PINK1: variants seen among roughly 807,000 people sequenced by gnomAD.
The protein encoded by PINK1 is PTEN induced kinase 1, also known as serine/threonine-protein kinase PINK1, mitochondrial.
In PINK1, 58 loss-of-function variants were observed where a neutral mutation model predicts 56.0. The observed-to-expected ratio is 1.04, with a 90% CI of 0.84 to 1.29. The LOEUF (loss-of-function observed/expected upper bound fraction) is 1.29, where lower values mean the gene tolerates loss of function less well. Among genes scored for constraint, PINK1 ranks in the 50% most tolerant of loss-of-function variants. The pLI is 0.00. For synonymous variants in PINK1, 354 were observed against 339.3 expected, an observed-to-expected ratio of 1.04 and a Z score of -0.48; for missense variants, 745 against 777.9, an observed-to-expected ratio of 0.96 and a Z score of 0.50.
rs538591572 is a variant in PINK1, at chr1:20,648,881, G to C, written c.1252-114G>C. ...TGGGTCTGAGCCACAGCTCACTCAA[G>C]CTCTGGGTTCCTTGGGACAGAGTTC... is the stretch of plus-strand genomic sequence containing the variant. On this transcript the variant is annotated intron_variant, in intron 6 of 7. Transcript: ENST00000321556. 104 of 1,345,538 alleles carry C rather than the reference G, an allele frequency of 7.7e-5. No individual in the cohort carries two copies. The African/African-American group carries it at 1.4e-3, about 19-fold the overall frequency. 83.3% of individuals were successfully genotyped at this position (1,345,538 alleles called of 1,614,324 possible).
At chr1:20,635,716 G>GTGA (rs2053050388) in intron 1 of PINK1, among the ~76,000 whole-genome samples, 1 of 151,290 alleles carries the variant, frequency 6.6e-6, no homozygotes, top group Admixed American at 6.6e-5. Context: ...AGGCATGGTG[G>GTGA]CAGGCGCCTG....
At chr1:20,649,302 A>G (rs1045145597) in intron 7 of PINK1, 71 bp downstream of exon 7, 10 of 1,521,010 alleles carry the variant, frequency 6.6e-6, no homozygotes, top group Non-Finnish European at 9.1e-6. Flanking sequence ...AGTGAAGGTC[A>G]GGTTTGGGCC....
At position 20,633,952 on chromosome 1, in the gene PINK1, C is replaced by G; in HGVS notation, c.387+17C>G. 1.3e-6 allele frequency: 2 copies of G among 1,577,922 alleles called. No homozygotes were observed. The highest frequency in any genetic ancestry group is 8.6e-7 in the Non-Finnish European group (1 of 1,166,540). Reference sequence around the variant, plus strand: ...GAGATCCAGGTGAGCGGGGCCGGGTCCTAAGCCGAGCGGAGGACGGAGCTA... The same window carrying G: ...GAGATCCAGGTGAGCGGGGCCGGGTGCTAAGCCGAGCGGAGGACGGAGCTA... On this transcript the variant is annotated intron_variant, in intron 1 of 7. Coordinates refer to ENST00000321556, the MANE Select transcript of PINK1 (RefSeq NM_032409.3).
chr1:20,649,949 C>A, intron 7 of PINK1: 1 of 236,440 alleles, frequency 4.2e-6, no homozygotes, highest in Non-Finnish European at 8.4e-6. Context: ...GCAGACCTAT[C>A]CGAAGCCATA....
At chr1:20,647,650 T>C (rs561102490) in intron 5 of PINK1, among the ~76,000 whole-genome samples, 145 of 151,816 alleles carry the variant, frequency 9.6e-4, no homozygotes, top group African/African-American at 3.4e-3. Flanking sequence ...TTTGTATTTT[T>C]AGTAGAGACG....
chr1:20,633,957 G>T, intron 1 of PINK1, 22 bp downstream of exon 1: 1 of 1,574,296 alleles, frequency 6.4e-7, no homozygotes, highest in East Asian at 2.3e-5. Context: ...CGGGTCCTAA[G>T]CCGAGCGGAG....
Position 20,644,728 on chromosome 1 carries a change from G to T in PINK1, c.959+56G>T, listed in dbSNP as rs140266850. 1.6e-5 allele frequency: 26 copies of T among 1,596,158 alleles called. No homozygotes were observed. In the African/African-American group the frequency reaches 2.8e-4, roughly 17 times the overall value. The stretch of plus-strand genomic sequence containing the variant: ...GCTGATACATCTCCCAAGGGGAGCT[G>T]GTTCCTGCCCTCCATGTGCACCTTG... On this transcript the variant is annotated intron_variant, in intron 4 of 7. Coordinates refer to ENST00000321556, the MANE Select transcript of PINK1 (RefSeq NM_032409.3).
intron 3 of PINK1, among the ~76,000 whole-genome samples, chr1:20,642,465 C>T (rs1210659306): frequency 1.3e-5 from 2 of 152,200 alleles, no homozygotes; most frequent in African/African-American, 4.8e-5. Flanking sequence ...GTTATCTGTT[C>T]ATGCCAACTC....
Position 20,633,953 on chromosome 1 carries a change from C to T in PINK1, c.387+18C>T, listed in dbSNP as rs752507877. ...AGATCCAGGTGAGCGGGGCCGGGTCCTAAGCCGAGCGGAGGACGGAGCTAA... is the reference window on the plus strand; with the variant it reads ...AGATCCAGGTGAGCGGGGCCGGGTCTTAAGCCGAGCGGAGGACGGAGCTAA... On this transcript the variant is annotated intron_variant, in intron 1 of 7. Coordinates refer to ENST00000321556, the MANE Select transcript of PINK1 (RefSeq NM_032409.3). 5.7e-6 allele frequency: 9 copies of T among 1,572,078 alleles called. No homozygotes were observed. Among genetic ancestry groups the T allele is most frequent in the Non-Finnish European group, 6.0e-6 (7 of 1,163,846 alleles).
At chr1:20,644,124 T>C (rs956589603) in intron 3 of PINK1, among the ~76,000 whole-genome samples, 4 of 152,124 alleles carry the variant, frequency 2.6e-5, no homozygotes, top group Non-Finnish European at 4.4e-5. Context: ...AAACTGTGGA[T>C]AAGGTTGGGG....
Position 20,633,568 on chromosome 1 carries a change from T to C in PINK1, c.20T>C (p.Leu7Pro). The part of the protein sequence containing the change: MAVRQA[L>P]GRGLQLGRAL... ...GCCACCATGGCGGTGCGACAGGCGCTGGGCCGCGGCCTGCAGCTGGGTCGA... is the reference window on the plus strand; with the variant it reads ...GCCACCATGGCGGTGCGACAGGCGCCGGGCCGCGGCCTGCAGCTGGGTCGA... Residue 7 changes from leucine to proline, a missense_variant, in exon 1 of 8, where the codon CTG becomes CCG. By Grantham distance (98) the Leu-to-Pro change is moderately conservative. Coordinates refer to ENST00000321556, the MANE Select transcript of PINK1 (RefSeq NM_032409.3). 8.4e-7 allele frequency: 1 copy of C among 1,192,314 alleles called. No homozygotes were observed. Among genetic ancestry groups the C allele is most frequent in the Non-Finnish European group, 1.0e-6 (1 of 963,164 alleles). 73.9% of individuals were successfully genotyped at this position (1,192,314 alleles called of 1,614,324 possible). A position where few individuals can be genotyped will look rare whatever the true frequency, so the allele number is the denominator to read the frequency against.
Position 20,641,670 on chromosome 1 carries a change from C to T in PINK1, c.776+1678C>T, listed in dbSNP as rs2053116826. On this transcript the variant is annotated intron_variant, in intron 3 of 7. Coordinates refer to ENST00000321556, the MANE Select transcript of PINK1 (RefSeq NM_032409.3). The surrounding 1 kb of genome is among the most constrained non-coding windows in gnomAD (Gnocchi z 4.0). ...ACACCCTGGGTTCATTTCCTCCTAG[C>T]CTCTGCTCTCCTGGGGCCCAGAGAT... is the stretch of plus-strand genomic sequence containing the variant. 6.6e-6 allele frequency among the ~76,000 whole-genome samples: 1 copy of T among 152,136 alleles called. No homozygotes were observed. Among genetic ancestry groups the T allele is most frequent in the Non-Finnish European group, 1.5e-5 (1 of 68,024 alleles).
rs751522476 is a variant in PINK1 at position 20,649,022 on chromosome 1, G to A, written c.1279G>A (p.Ala427Thr). The A allele has an allele frequency of 1.9e-6, 3 of 1,613,612 alleles. No individual in the cohort carries two copies. Among genetic ancestry groups the A allele is most frequent in the Non-Finnish European group, 2.5e-6 (3 of 1,180,046 alleles). ...GTCCACGGCCCGTCCTGGCCCCAGG[G>A]CAGTGATTGACTACAGCAAGGCTGA... ...EVSTARPGPR[A>T]VIDYSKADAW... The change falls in exon 7 of 8, where the codon GCA becomes ACA. Residue 427 changes from alanine to threonine, a missense_variant. Coordinates refer to ENST00000321556, the MANE Select transcript of PINK1 (RefSeq NM_032409.3).
At position 20,648,606 on chromosome 1, in the gene PINK1, G is replaced by T; in HGVS notation, c.1225G>T (p.Gly409Ter). Reference protein sequence around the residue: ...PFSSWYVDRGGNGCLMAPEVS... With the variant: ...PFSSWYVDRG ...CAGCAGCTGGTACGTGGATCGGGGC[G>T]GAAACGGCTGTCTGATGGCCCCAGA... The change falls in exon 6 of 8, where the codon GGA (glycine) becomes TGA (stop). Residue 409 changes from glycine to a stop codon, truncating the protein, a stop_gained. Transcript: ENST00000321556. LOFTEE classifies it high-confidence loss of function. 6.2e-7 allele frequency: 1 copy of T among 1,614,042 alleles called. No individual in the cohort carries two copies. Among genetic ancestry groups the T allele is most frequent in the East Asian group, 2.2e-5 (1 of 44,880 alleles).
chr1:20,644,385 G>A (rs1396073300), intron 3 of PINK1, 105 bp from the exon 4 acceptor site: 1 of 1,266,472 alleles, frequency 7.9e-7, no homozygotes, highest in Non-Finnish European at 1.2e-6. Context: ...TTGATAGTAA[G>A]TGAATAATGA....
At chr1:20,648,059 C>T (rs2053209122) in intron 5 of PINK1, among the ~76,000 whole-genome samples, 2 of 152,280 alleles carry the variant, frequency 1.3e-5, no homozygotes, top group South Asian at 4.1e-4. Context: ...AGGTGATCTA[C>T]CCGCCTCGGC....
intron 2 of PINK1, chr1:20,638,527 T>C (rs2053080811): frequency 7.7e-6 from 2 of 258,472 alleles, no homozygotes; most frequent in South Asian, 8.5e-5. Flanking sequence ...CTTAGCTACT[T>C]GGGTGGCTGG....
chr1:20,650,585 A>C lies in PINK1; in HGVS notation c.1640A>C (p.Lys547Thr), dbSNP rs764654160. The change falls in exon 8 of 8, where the codon AAG (lysine) becomes ACG (threonine). Residue 547 changes from lysine (K) to threonine (T), a missense_variant. By Grantham distance (78) the Lys-to-Thr change is moderately conservative. Transcript: ENST00000321556. ...TTGTTGGCCAACAGGCTCACAGAGA[A>C]GTGTTGTGTGGAAACAAAAATGAAG... ...ATLLANRLTE[K>T]CCVETKMKML... 4.3e-6 allele frequency: 7 copies of C among 1,614,248 alleles called. No individual in the cohort carries two copies. In the East Asian group the frequency reaches 1.6e-4, roughly 36 times the overall value.
At chr1:20,648,915 C>T (rs1016899422) in intron 6 of PINK1, 80 bp from the exon 7 acceptor site, 2 of 1,479,128 alleles carry the variant, frequency 1.4e-6, no homozygotes, top group Non-Finnish European at 1.9e-6. Flanking sequence ...TCAGATTAGC[C>T]CATGGATCAG....
Sources: gnomAD v4.1 joint callset for allele counts (sites outside exome capture counted in the v4.1 genomes callset) on GRCh38, gnomAD v4.1.1 for gene constraint, Gnocchi (gnomAD v3.1) non-coding constraint, MANE v1.5 for transcripts, NCBI Gene and HGNC (gene_info 2026-07-23, HGNC 2026-07-21) for gene names.